The following CDH12 variants were observed in gnomAD, a reference collection of about 807,000 sequenced individuals.
CDH12 encodes the protein cadherin 12.
In CDH12, 41 loss-of-function variants were observed where a neutral mutation model predicts 74.1. The ratio of observed to expected loss-of-function variants is 0.55; its 90% CI spans 0.43 to 0.72. The LOEUF (loss-of-function observed/expected upper bound fraction) is 0.72, where lower values mean the gene tolerates loss of function less well. Ranked by LOEUF, CDH12 falls within the 30% of genes least tolerant of loss-of-function variation. The pLI, the probability that CDH12 is intolerant of heterozygous loss-of-function variation, is 0.00. For synonymous variants in CDH12, 399 were observed against 355.0 expected, an observed-to-expected ratio of 1.12 and a Z score of -1.39; for missense variants, 945 against 977.2, an observed-to-expected ratio of 0.97 and a Z score of 0.44.
chr5:22,418,500 G>T (rs1428302211), intron 2 of CDH12, among the ~76,000 whole-genome samples: 1 of 152,168 alleles, frequency 6.6e-6, no homozygotes, highest in African/African-American at 2.4e-5. Flanking sequence ...GGAGTGGTGA[G>T]AGAGGGTATC....
intron 1 of CDH12, among the ~76,000 whole-genome samples, chr5:22,824,460 A>C (rs1281423886): frequency 6.6e-6 from 1 of 152,132 alleles, no homozygotes; most frequent in African/African-American, 2.4e-5. Flanking sequence ...TGTTTTTATA[A>C]ATGTAAATAA....
At chr5:21,919,125 A>G (rs1478784879) in intron 6 of CDH12, among the ~76,000 whole-genome samples, 5 of 152,202 alleles carry the variant, frequency 3.3e-5, no homozygotes, top group African/African-American at 1.2e-4. Context: ...GCAATGTCTC[A>G]AAGTATTTAC....
chr5:22,712,966 T>A (rs2126976839), intron 1 of CDH12, among the ~76,000 whole-genome samples: 1 of 152,088 alleles, frequency 6.6e-6, no homozygotes, highest in South Asian at 2.1e-4. Context: ...TAATCAGCAA[T>A]CCACTTTGTA....
rs1224421566 is a variant in CDH12 at position 22,157,922 on chromosome 5, C to A, written c.-187+54576G>T. ...ACTTTATTCCAATATGTTTTTTTTT[C>A]CGGGATAAAGATTATAATGAGATTC... On this transcript the variant is annotated intron_variant, in intron 4 of 14. Transcript: ENST00000382254. 2.0e-5 allele frequency among the ~76,000 whole-genome samples: 3 copies of A among 150,556 alleles called. No homozygotes were observed. The East Asian group carries it at 5.8e-4, about 29-fold the overall frequency.
chr5:21,850,086 G>A (rs2149995792), intron 7 of CDH12, among the ~76,000 whole-genome samples: 1 of 151,248 alleles, frequency 6.6e-6, no homozygotes, highest in Admixed American at 6.6e-5. Flanking sequence ...ATTTATATGT[G>A]GAATCTAAAA....
chr5:22,664,821 C>T (rs758184886), intron 1 of CDH12, among the ~76,000 whole-genome samples: 122 of 152,122 alleles, frequency 8.0e-4, no homozygotes, highest in Admixed American at 7.9e-4. Context: ...CAGTATTGTA[C>T]ACATACTACT....
chr5:21,908,726 G>A (rs114862423), intron 6 of CDH12, among the ~76,000 whole-genome samples: 2 of 152,196 alleles, frequency 1.3e-5, no homozygotes, highest in Non-Finnish European at 2.9e-5. Flanking sequence ...GCACAAAAGT[G>A]GGAAGGCGTG....
chr5:22,449,740 C>T (rs909754393), intron 2 of CDH12, among the ~76,000 whole-genome samples: 4 of 151,918 alleles, frequency 2.6e-5, no homozygotes, highest in Non-Finnish European at 4.4e-5. Context: ...TATTTTATAT[C>T]TGTTATATGG....
chr5:22,421,456 T>G (rs1231421985), intron 2 of CDH12, among the ~76,000 whole-genome samples: 1 of 152,148 alleles, frequency 6.6e-6, no homozygotes, highest in African/African-American at 2.4e-5. Flanking sequence ...TCTGTTCTTT[T>G]GTTATTTCGC....
chr5:22,559,193 A>C (rs940877985), intron 1 of CDH12, among the ~76,000 whole-genome samples: 7 of 152,056 alleles, frequency 4.6e-5, no homozygotes, highest in Non-Finnish European at 8.8e-5. Flanking sequence ...ACCCCATAAC[A>C]CAACATGAAG....
At chr5:21,771,156 A>C (rs902583595) in intron 11 of CDH12, among the ~76,000 whole-genome samples, 1 of 152,094 alleles carries the variant, frequency 6.6e-6, no homozygotes, top group Admixed American at 6.6e-5. Flanking sequence ...ACTTACATAC[A>C]TAACAAATCT....
chr5:21,835,356 C>T (rs186315868), intron 8 of CDH12, among the ~76,000 whole-genome samples: 36 of 149,910 alleles, frequency 2.4e-4, no homozygotes, highest in East Asian at 1.9e-4. Flanking sequence ...ATATATGTTA[C>T]GTATGTGTGT....
chr5:22,275,200 G>A (rs1392045183), intron 3 of CDH12, among the ~76,000 whole-genome samples: 1 of 151,936 alleles, frequency 6.6e-6, no homozygotes, highest in East Asian at 1.9e-4. Context: ...CCTAGATGAT[G>A]GGTTGATGGG....
chr5:22,269,042 T>C (rs1414184570), intron 3 of CDH12, among the ~76,000 whole-genome samples: 1 of 152,134 alleles, frequency 6.6e-6, no homozygotes, highest in African/African-American at 2.4e-5. Context: ...AATTTGCTCA[T>C]CTCTCTTTGT....
intron 11 of CDH12, among the ~76,000 whole-genome samples, chr5:21,774,990 A>C (rs1401323729): frequency 1.3e-5 from 2 of 152,278 alleles, no homozygotes; most frequent in Non-Finnish European, 2.9e-5. Context: ...ATTTCTTGGC[A>C]GTACTCCCAG....
intron 1 of CDH12, among the ~76,000 whole-genome samples, chr5:22,733,526 T>C (rs1298572055): frequency 6.6e-6 from 1 of 151,698 alleles, no homozygotes; most frequent in African/African-American, 2.4e-5. Context: ...TTAACATCTA[T>C]GAACACTGTG....
chr5:22,125,960 G>GTTT (rs34864453), intron 4 of CDH12, among the ~76,000 whole-genome samples: 1 of 132,584 alleles, frequency 7.5e-6, no homozygotes, highest in East Asian at 2.2e-4. Context: ...CACTTTCATT[G>GTTT]TTTTTTTTTT....
chr5:22,729,487 C>T (rs919078336), intron 1 of CDH12, among the ~76,000 whole-genome samples: 1 of 151,820 alleles, frequency 6.6e-6, no homozygotes, highest in African/African-American at 2.4e-5. Flanking sequence ...TCTGGAAGGT[C>T]CCTGTGACTG....
At chr5:22,212,955 G>T (rs966858424) in intron 3 of CDH12, among the ~76,000 whole-genome samples, 2 of 152,194 alleles carry the variant, frequency 1.3e-5, no homozygotes, top group Admixed American at 1.3e-4. Context: ...TTTGCAAGGA[G>T]ATTAGCTGCC....
Sources: gnomAD v4.1 joint callset for allele counts (sites outside exome capture counted in the v4.1 genomes callset) on GRCh38, gnomAD v4.1.1 for gene constraint, MANE v1.5 for transcripts, NCBI Gene and HGNC (gene_info 2026-07-23, HGNC 2026-07-21) for gene names.